The following GALNT17 variants were observed in gnomAD, a reference collection of about 807,000 sequenced individuals.
The protein encoded by GALNT17 is polypeptide N-acetylgalactosaminyltransferase 17, also known as UDP-GalNAc:polypeptide N-acetylgalactosaminyltransferase-like 3.
Under a neutral mutation model 63.7 loss-of-function variants are expected in GALNT17, and 29 were observed. The observed-to-expected ratio is 0.46, with a 90% CI of 0.34 to 0.62. GALNT17 has a LOEUF of 0.62. GALNT17 is among the 20% of genes least tolerant of loss of function. GALNT17 has a pLI of 0.01. For synonymous variants in GALNT17, 305 were observed against 318.3 expected, an observed-to-expected ratio of 0.96 and a Z score of 0.45; for missense variants, 603 against 799.6, an observed-to-expected ratio of 0.75 and a Z score of 2.97.
intron 1 of GALNT17, among the ~76,000 whole-genome samples, chr7:71,210,703 C>A (rs1789359308): frequency 6.6e-6 from 1 of 152,148 alleles, no homozygotes; most frequent in South Asian, 2.1e-4. Flanking sequence ...AATCTCACTC[C>A]ACCCCATGGA....
intron 2 of GALNT17, among the ~76,000 whole-genome samples, chr7:71,337,495 G>C (rs73358144): frequency 0.063 from 9,564 of 152,032 alleles, 635 homozygotes; most frequent in African/African-American, 0.17. Flanking sequence ...CCAATACTGG[G>C]TACTAGCATG....
intron 1 of GALNT17, among the ~76,000 whole-genome samples, chr7:71,152,758 G>C (rs182202857): frequency 2.5e-3 from 384 of 151,948 alleles, no homozygotes; most frequent in Middle Eastern, 0.014. Context: ...TCAGCCTCCT[G>C]AGTAGCTAGG....
At position 71,444,471 on chromosome 7, in the gene GALNT17, C is replaced by T. The variant is rs989813271; in HGVS notation, c.962+23366C>T. Among the ~76,000 whole-genome samples the T allele has an allele frequency of 5.3e-5, 8 of 150,420 alleles. No individual in the cohort carries two copies. In the South Asian group the frequency reaches 6.2e-4, roughly 12 times the overall value. The stretch of plus-strand genomic sequence containing the variant: ...CCTGCAGGCAGCTTCATGACACACC[C>T]ACCGTGGAAAACAGGGGTGTCTTCC... On this transcript the variant is annotated intron_variant, in intron 5 of 10. Transcript: ENST00000333538.
At chr7:71,199,146 G>A (rs897660718) in intron 1 of GALNT17, among the ~76,000 whole-genome samples, 5 of 152,124 alleles carry the variant, frequency 3.3e-5, no homozygotes, top group South Asian at 2.1e-4. Context: ...ACTTCACTGC[G>A]CTGCATGTCC....
At chr7:71,360,229 T>C (rs1792371702) in intron 2 of GALNT17, among the ~76,000 whole-genome samples, 1 of 152,238 alleles carries the variant, frequency 6.6e-6, no homozygotes, top group Non-Finnish European at 1.5e-5. Context: ...CTTAGCTGTT[T>C]TATAAGGACT....
rs568623685 is a variant in GALNT17, at chr7:71,418,928, T to C, written c.765-1980T>C. 1.1e-4 allele frequency among the ~76,000 whole-genome samples: 17 copies of C among 152,008 alleles called. No homozygotes were observed. The East Asian group carries it at 3.3e-3, about 30-fold the overall frequency. Reference sequence around the variant, plus strand: ...GCCTAGCCAACATGGCGAAACCCTGTCTCTACTAAAAATACAAATACAGGC... The same window carrying C: ...GCCTAGCCAACATGGCGAAACCCTGCCTCTACTAAAAATACAAATACAGGC... On this transcript the variant is annotated intron_variant, in intron 4 of 10. Coordinates refer to ENST00000333538, the MANE Select transcript of GALNT17 (RefSeq NM_022479.3).
chr7:71,596,187 C>T lies in GALNT17; in HGVS notation c.1080+24785C>T, dbSNP rs374167667. On this transcript the variant is annotated intron_variant, in intron 6 of 10. Coordinates refer to ENST00000333538, the MANE Select transcript of GALNT17 (RefSeq NM_022479.3). ...CCAAGTAGCTGGGATTACAGGTGCC[C>T]ACCACCACTCCCAGCTAATTTTTTG... Among the ~76,000 whole-genome samples the T allele has an allele frequency of 2.2e-4, 33 of 152,142 alleles. No individual in the cohort carries two copies. In the East Asian group the frequency reaches 3.7e-3, roughly 17 times the overall value.
At chr7:71,211,330 T>C (rs1205767151) in intron 1 of GALNT17, among the ~76,000 whole-genome samples, 1 of 152,234 alleles carries the variant, frequency 6.6e-6, no homozygotes, top group East Asian at 1.9e-4. Flanking sequence ...TTCATCGTTT[T>C]TCTCTTGCTG....
chr7:71,171,452 G>A (rs1376736881), intron 1 of GALNT17, among the ~76,000 whole-genome samples: 1 of 152,206 alleles, frequency 6.6e-6, no homozygotes, highest in Non-Finnish European at 1.5e-5. Flanking sequence ...AGTCAGCTAT[G>A]ATTGCACCAC....
At chr7:71,418,399 C>T (rs1554368315) in intron 4 of GALNT17, among the ~76,000 whole-genome samples, 1 of 152,204 alleles carries the variant, frequency 6.6e-6, no homozygotes, top group South Asian at 2.1e-4. Flanking sequence ...AGTCTCCAGT[C>T]ACAATGACTT....
Position 71,264,833 on chromosome 7 carries a change from A to T in GALNT17, c.239-70717A>T, listed in dbSNP as rs183673432. Among the ~76,000 whole-genome samples, 51 of 152,054 alleles carry T rather than the reference A, an allele frequency of 3.4e-4. No homozygotes were observed. The East Asian group carries it at 7.4e-3, about 22-fold the overall frequency. On this transcript the variant is annotated intron_variant, in intron 1 of 10. Transcript: ENST00000333538. The stretch of plus-strand genomic sequence containing the variant: ...AGATACCAGAGGCTGGGAAGGGTGA[A>T]TGGCAGGGGTAGGGTTCGTAGAGAG...
chr7:71,506,300 T>C (rs1275696643), intron 5 of GALNT17, among the ~76,000 whole-genome samples: 2 of 152,160 alleles, frequency 1.3e-5, no homozygotes, highest in Non-Finnish European at 2.9e-5. Flanking sequence ...GGAGTCTTGC[T>C]CTGTCGCCCA....
At chr7:71,406,945 TGAAAAAAA>T (rs1261467634) in intron 3 of GALNT17, among the ~76,000 whole-genome samples, 2 of 152,024 alleles carry the variant, frequency 1.3e-5, no homozygotes, top group Admixed American at 6.5e-5. Flanking sequence ...GAAATCTCTC[TGAAAAAAA>T]GAAAAAAAGA....
chr7:71,629,093 G>A (rs2116985575), intron 6 of GALNT17, among the ~76,000 whole-genome samples: 1 of 152,258 alleles, frequency 6.6e-6, no homozygotes, highest in African/African-American at 2.4e-5. Context: ...GTCAAGAGGA[G>A]TTGGCTGGTG....
rs116305027 is a variant in GALNT17, at chr7:71,681,613, C to T, written c.1500+4307C>T. ...CCACTCCTGGGCCCCATGGCTGTGCCGGATCATCCTTTTAGGCAATTACTC... is the reference window on the plus strand; with the variant it reads ...CCACTCCTGGGCCCCATGGCTGTGCTGGATCATCCTTTTAGGCAATTACTC... On this transcript the variant is annotated intron_variant, in intron 9 of 10. Transcript: ENST00000333538. Among the ~76,000 whole-genome samples the T allele has an allele frequency of 7.6e-3, 1,157 of 152,292 alleles. 13 individuals carry two copies. The highest frequency in any genetic ancestry group is 0.026 in the African/African-American group (1,075 of 41,564).
chr7:71,466,528 T>G (rs1002286176), intron 5 of GALNT17, among the ~76,000 whole-genome samples: 4 of 152,216 alleles, frequency 2.6e-5, no homozygotes, highest in African/African-American at 9.6e-5. Flanking sequence ...AGCTGTTTCT[T>G]GTGGGGGAAA....
intron 1 of GALNT17, among the ~76,000 whole-genome samples, chr7:71,192,517 T>G (rs897108388): frequency 4.0e-5 from 6 of 151,778 alleles, no homozygotes; most frequent in Admixed American, 2.0e-4. Context: ...CGCCTCAGCC[T>G]CCCAAGTAGC....
At chr7:71,504,397 A>C (rs1788232186) in intron 5 of GALNT17, among the ~76,000 whole-genome samples, 1 of 151,994 alleles carries the variant, frequency 6.6e-6, no homozygotes, top group Non-Finnish European at 1.5e-5. Flanking sequence ...CTCAATAAAT[A>C]AATAAATAAA....
At chr7:71,236,815 C>T (rs972691162) in intron 1 of GALNT17, among the ~76,000 whole-genome samples, 4 of 152,104 alleles carry the variant, frequency 2.6e-5, no homozygotes, top group South Asian at 2.1e-4. Context: ...AGCTGATGGT[C>T]GTGCTGGGAG....
Sources: allele counts gnomAD v4.1 joint callset (sites outside exome capture counted in the v4.1 genomes callset), GRCh38; gene constraint gnomAD v4.1.1; transcripts MANE v1.5; gene names NCBI Gene and HGNC (gene_info 2026-07-23, HGNC 2026-07-21).